The following GALNT13 variants were observed in gnomAD, a reference collection of about 807,000 sequenced individuals.
GALNT13 encodes polypeptide N-acetylgalactosaminyltransferase 13.
In GALNT13, 28 loss-of-function variants were observed where a neutral mutation model predicts 64.2. That is an observed-to-expected ratio of 0.44 (90% CI 0.32 to 0.60). GALNT13 has a LOEUF of 0.60. Among genes scored for constraint, GALNT13 ranks in the 20% least tolerant of loss-of-function variants. GALNT13 has a pLI of 0.05. For missense variants in GALNT13, 577 were observed against 669.8 expected (o/e 0.86, Z 1.53); for synonymous variants, 214 against 224.6 (o/e 0.95, Z 0.42).
chr2:153,209,069 C>G, the GALNT13 span, among the ~76,000 whole-genome samples: 6 of 148,432 alleles, frequency 4.0e-5, no homozygotes, highest in East Asian at 2.0e-4. Flanking sequence ...AACTCTGCCT[C>G]CCGGTTCACG....
intron 1 of GALNT13, among the ~76,000 whole-genome samples, chr2:153,881,478 G>T (rs1686783088): frequency 6.6e-6 from 1 of 152,100 alleles, no homozygotes; most frequent in Non-Finnish European, 1.5e-5. Flanking sequence ...CTAAAGTTGA[G>T]ATGAATTGTA....
chr2:154,071,529 A>C (rs1470387330), intron 3 of GALNT13, among the ~76,000 whole-genome samples: 1 of 152,148 alleles, frequency 6.6e-6, no homozygotes, highest in Non-Finnish European at 1.5e-5. Flanking sequence ...TGAACTTTAA[A>C]TACTATGTTA....
chr2:153,350,629 C>T, the GALNT13 span, among the ~76,000 whole-genome samples: 1 of 151,998 alleles, frequency 6.6e-6, no homozygotes, highest in Non-Finnish European at 1.5e-5. Flanking sequence ...GTGATCCACC[C>T]GCCTCAGCTT....
intron 3 of GALNT13, among the ~76,000 whole-genome samples, chr2:154,018,700 T>A (rs1266678408): frequency 7.2e-6 from 1 of 138,768 alleles, no homozygotes. Flanking sequence ...GAGAGAATGG[T>A]GGAACGGGTG....
At chr2:153,172,587 C>A in the GALNT13 span, among the ~76,000 whole-genome samples, 1 of 152,066 alleles carries the variant, frequency 6.6e-6, no homozygotes, top group Non-Finnish European at 1.5e-5. Context: ...GGCTCTTGGG[C>A]AGGTACCAAC....
chr2:154,442,015 T>C (rs371350928), intron 12 of GALNT13, among the ~76,000 whole-genome samples: 2 of 152,076 alleles, frequency 1.3e-5, no homozygotes, highest in East Asian at 1.9e-4. Context: ...CATTGCCTCT[T>C]GATGTTGTCG....
the GALNT13 span, among the ~76,000 whole-genome samples, chr2:153,387,335 T>C: frequency 6.6e-6 from 1 of 152,082 alleles, no homozygotes; most frequent in African/African-American, 2.4e-5. Flanking sequence ...AATACCCACA[T>C]ACAAACACAC....
the GALNT13 span, among the ~76,000 whole-genome samples, chr2:153,400,668 C>T: frequency 2.6e-5 from 4 of 152,074 alleles, no homozygotes; most frequent in Admixed American, 6.6e-5. Context: ...GTGTATTTGT[C>T]GAGGAATTTA....
At chr2:153,749,275 T>G in the GALNT13 span, among the ~76,000 whole-genome samples, 1 of 151,918 alleles carries the variant, frequency 6.6e-6, no homozygotes, top group African/African-American at 2.4e-5. Context: ...ATTCCTCCAG[T>G]TTTGTTCTTT....
chr2:154,172,382 G>A (rs1010978015), intron 4 of GALNT13, among the ~76,000 whole-genome samples: 2 of 151,680 alleles, frequency 1.3e-5, no homozygotes, highest in African/African-American at 4.8e-5. Context: ...ATCTAACATT[G>A]GGTGTTATTC....
chr2:154,176,450 C>T (rs1685660106), intron 4 of GALNT13, among the ~76,000 whole-genome samples: 1 of 151,746 alleles, frequency 6.6e-6, no homozygotes, highest in Non-Finnish European at 1.5e-5. Context: ...GACGGGGTTT[C>T]ACCGTGCTAG....
intron 3 of GALNT13, among the ~76,000 whole-genome samples, chr2:154,101,811 C>A (rs1204337315): frequency 2.6e-5 from 4 of 151,994 alleles, no homozygotes; most frequent in Non-Finnish European, 5.9e-5. Flanking sequence ...ATTGCTTTTG[C>A]TGTATCCCAG....
the GALNT13 span, among the ~76,000 whole-genome samples, chr2:153,745,668 G>T: frequency 6.6e-6 from 1 of 152,122 alleles, no homozygotes. Context: ...ATTAAGCATA[G>T]GTTAACATAG....
At chr2:154,336,062 C>A (rs1203265054) in intron 9 of GALNT13, among the ~76,000 whole-genome samples, 1 of 151,844 alleles carries the variant, frequency 6.6e-6, no homozygotes, top group East Asian at 1.9e-4. Flanking sequence ...ATACAGAATA[C>A]CAAAAGACTG....
the GALNT13 span, among the ~76,000 whole-genome samples, chr2:153,703,279 TTTTTAA>T: frequency 1.4e-4 from 22 of 152,202 alleles, no homozygotes; most frequent in Admixed American, 9.8e-4. Context: ...TAATCTTAAT[TTTTTAA>T]TTTTAAGTTA....
chr2:154,280,751 G>A (rs1691919906), intron 8 of GALNT13, among the ~76,000 whole-genome samples: 1 of 152,168 alleles, frequency 6.6e-6, no homozygotes, highest in East Asian at 1.9e-4. Context: ...CTAGGGCAGC[G>A]TCACGCAGCT....
chr2:153,123,011 T>C, the GALNT13 span, among the ~76,000 whole-genome samples: 1 of 151,722 alleles, frequency 6.6e-6, no homozygotes, highest in African/African-American at 2.4e-5. Context: ...GAATGCCATG[T>C]GAAGATACAG....
the GALNT13 span, among the ~76,000 whole-genome samples, chr2:153,460,698 A>C: frequency 1.3e-5 from 2 of 152,144 alleles, no homozygotes; most frequent in African/African-American, 4.8e-5. Flanking sequence ...TGATAGTAAA[A>C]ATAGTAAGCA....
At chr2:153,354,368 G>C in the GALNT13 span, 1 of 152,116 alleles carries the variant, frequency 6.6e-6, no homozygotes, top group East Asian at 1.9e-4. Flanking sequence ...TACTAGGGTG[G>C]AAAAATGTTA....
Sources: gnomAD v4.1 joint callset for allele counts (sites outside exome capture counted in the v4.1 genomes callset) on GRCh38, gnomAD v4.1.1 for gene constraint, MANE v1.5 for transcripts, NCBI Gene and HGNC (gene_info 2026-07-23, HGNC 2026-07-21) for gene names.